DCTN1: variants seen among roughly 807,000 people sequenced by gnomAD.
The protein encoded by DCTN1 is 150 kDa dynein-associated polypeptide.
Under a neutral mutation model 161.2 loss-of-function variants are expected in DCTN1, and 61 were observed. The ratio of observed to expected loss-of-function variants is 0.38; its 90% CI spans 0.31 to 0.47. The LOEUF (loss-of-function observed/expected upper bound fraction) is 0.47. DCTN1 is among the 20% of genes least tolerant of loss of function. The probability of loss-of-function intolerance (pLI) is 0.99; values close to 1 mark genes in which losing one functional copy is unlikely to be tolerated. For missense variants in DCTN1, 1,404 were observed against 1,623.7 expected (o/e 0.86, Z 2.33); for synonymous variants, 653 against 632.4 (o/e 1.03, Z -0.49).
In DCTN1 at chr2:74,368,732, C is replaced by T. The variant is rs766620798; in HGVS notation, c.1850G>A (p.Cys617Tyr). Reference protein sequence around the residue: ...LVLLLMPRLICKAELIRKQAQ... With the variant: ...LVLLLMPRLIYKAELIRKQAQ... ...CATGTGATTGATTGGCCATACCTTG[C>T]AAATGAGACGAGGCATGAGCAACAG... The change falls in exon 16 of 32, where the codon TGC becomes TAC. Residue 617 changes from cysteine to tyrosine, a missense_variant. Around this residue, in one of 9 missense-constraint regions of DCTN1, gnomAD observed 475 missense variants for 489.8 expected, o/e 0.97. Coordinates refer to ENST00000628224, the MANE Select transcript of DCTN1 (RefSeq NM_004082.5). The T allele has an allele frequency of 6.2e-7, 1 of 1,614,246 alleles. No individual in the cohort carries two copies. Among genetic ancestry groups the T allele is most frequent in the South Asian group, 1.1e-5 (1 of 91,088 alleles).
upstream of DCTN1, chr2:74,385,290 C>T (rs1334166521): frequency 6.6e-6 from 1 of 152,250 alleles, no homozygotes; most frequent in Non-Finnish European, 1.5e-5. Flanking sequence ...CTTCACTTAT[C>T]TTCAATATAG....
At chr2:74,371,868 G>A in intron 7 of DCTN1, 140 bp from the exon 8 acceptor site, 1 of 677,550 alleles carries the variant, frequency 1.5e-6, no homozygotes, top group South Asian at 1.7e-5. Flanking sequence ...AAAGCACAGT[G>A]AGAAAAGAAG....
At chr2:74,379,124 C>T (rs1675390041) in intron 1 of DCTN1, among the ~76,000 whole-genome samples, 1 of 152,212 alleles carries the variant, frequency 6.6e-6, no homozygotes, top group African/African-American at 2.4e-5. Flanking sequence ...TTGGGCAGCT[C>T]TTAGCTTCGG....
rs1041136090 is a variant in DCTN1, at chr2:74,369,845, C to A, written c.1392+120G>T. On this transcript the variant is annotated intron_variant, in intron 13 of 31. Transcript: ENST00000628224. The surrounding 1 kb of genome is among the most constrained non-coding windows in gnomAD (Gnocchi z 4.9). ...AAAAAAAAAAAAAAAAAGGCAGGGT[C>A]AGGGTAGCAAGCCCAGGCTGGGTCC... 2.8e-5 allele frequency: 25 copies of A among 896,538 alleles called. No individual in the cohort carries two copies. The highest frequency in any genetic ancestry group is 4.0e-5 in the Non-Finnish European group (22 of 551,964). The allele number at this position is 896,538 out of a possible 1,614,324, so 55.5% of individuals were successfully genotyped here. A position where few individuals can be genotyped will look rare whatever the true frequency, so the allele number is the denominator to read the frequency against.
intron 16 of DCTN1, 183 bp downstream of exon 16, chr2:74,368,545 C>T: frequency 2.5e-6 from 2 of 813,668 alleles, no homozygotes; most frequent in Non-Finnish European, 2.0e-6. Flanking sequence ...TCTCACAGAA[C>T]CTATCTCTCC....
chr2:74,379,981 C>A, intron 1 of DCTN1, 24 bp downstream of exon 1: 1 of 1,613,586 alleles, frequency 6.2e-7, no homozygotes, highest in Non-Finnish European at 8.5e-7. Flanking sequence ...CCCTCCAGGG[C>A]CATCCCAGAT....
At chr2:74,367,885 C>A in intron 17 of DCTN1, 21 bp from the exon 18 acceptor site, 2 of 1,614,210 alleles carry the variant, frequency 1.2e-6, no homozygotes, top group Non-Finnish European at 1.7e-6. Flanking sequence ...GAGAAGGGCA[C>A]TGTGAGGCTA....
In DCTN1 at chr2:74,363,025, C is replaced by T. The variant is rs142030960; in HGVS notation, c.3498G>A (p.Thr1166=). ...LETLNQLSTH[T]HVVDITRTSP... The stretch of plus-strand genomic sequence containing the variant: ...TGGTGCGAGTGATGTCTACTACGTG[C>T]GTGTGTGTGCTCAATTGATTCAATG... The change falls in exon 29 of 32, where the codon ACG becomes ACA. Residue 1166 remains threonine (T), a synonymous_variant. Coordinates refer to ENST00000628224, the MANE Select transcript of DCTN1 (RefSeq NM_004082.5). 1.3e-4 allele frequency: 212 copies of T among 1,613,494 alleles called. No homozygotes were observed. The African/African-American group carries it at 2.4e-3, about 18-fold the overall frequency.
chr2:74,369,568 G>C lies in DCTN1; in HGVS notation c.1393-77C>G. 3 of 1,471,880 alleles carry C rather than the reference G, an allele frequency of 2.0e-6. No homozygotes were observed. The highest frequency in any genetic ancestry group is 2.3e-5 in the South Asian group (2 of 88,232). The allele number at this position is 1,471,880 out of a possible 1,614,324, so 91.2% of individuals were successfully genotyped here. ...GCGGTGGTTCACACCTGTAATCCCA[G>C]CACTTTGGGAGGTCAAAGCAGGCGG... On this transcript the variant is annotated intron_variant, in intron 13 of 31. Transcript: ENST00000628224. This position sits in a 1 kb window ranked among gnomAD's most constrained non-coding sequence, Gnocchi z 4.9.
Position 74,371,589 on chromosome 2 carries a change from G to T in DCTN1, c.593C>A (p.Thr198Lys), listed in dbSNP as rs768268418. The T allele has an allele frequency of 6.3e-7, 1 of 1,588,312 alleles. No homozygotes were observed. The highest frequency in any genetic ancestry group is 8.6e-7 in the Non-Finnish European group (1 of 1,167,756). The change falls in exon 8 of 32, where the codon ACG (threonine) becomes AAG (lysine). Residue 198 changes from threonine (T) to lysine (K), a missense_variant. By Grantham distance (78) the Thr-to-Lys change is moderately conservative (BLOSUM62 -1). Transcript: ENST00000628224. ...QTPLAAPIIP[T>K]PVLTSPGAVP... ...TGCTCCAGGAGAGGTGAGGACCGGCGTGGGGATGATGGGTGCTGCCAGCGG... is the reference window on the plus strand; with the variant it reads ...TGCTCCAGGAGAGGTGAGGACCGGCTTGGGGATGATGGGTGCTGCCAGCGG...
chr2:74,390,525 A>G (rs1573194564), intron 1 of DCTN1: 1 of 383,444 alleles, frequency 2.6e-6, no homozygotes, highest in East Asian at 7.5e-5. Flanking sequence ...ACTCGACTAG[A>G]CTCACAGAAT....
At chr2:74,390,709 G>C in intron 1 of DCTN1, 1 of 422,862 alleles carries the variant, frequency 2.4e-6, no homozygotes. Context: ...TGGGCCAGCA[G>C]CATTAGCATC....
chr2:74,367,893 C>T (rs1362458092), intron 17 of DCTN1, 29 bp from the exon 18 acceptor site: 2 of 1,614,094 alleles, frequency 1.2e-6, no homozygotes, highest in East Asian at 2.2e-5. Flanking sequence ...CACTGTGAGG[C>T]TAGAGTCTGC....
At chr2:74,373,087 T>G (rs1169736577) in intron 6 of DCTN1, 139 bp from the exon 7 acceptor site, 5 of 737,772 alleles carry the variant, frequency 6.8e-6, no homozygotes, top group Non-Finnish European at 9.5e-6. Flanking sequence ...CTCCCCCCCA[T>G]CCCATCCCCT....
intron 7 of DCTN1, 81 bp from the exon 8 acceptor site, chr2:74,371,809 T>G: frequency 9.9e-6 from 11 of 1,114,462 alleles, no homozygotes; most frequent in Non-Finnish European, 1.5e-5. Context: ...AATATGAGAA[T>G]ATGGCAAGGG....
rs1185611985 is a variant in DCTN1 at position 74,365,619 on chromosome 2, G to A, written c.2925C>T (p.Leu975=). The change falls in exon 25 of 32, where the codon CTC becomes CTT. Residue 975 remains leucine, a synonymous_variant. Transcript: ENST00000628224. ...ELSEANVRLS[L]LEKKLDSAAK... ...CAGCACTGTCCAACTTCTTCTCCAGGAGGCTCAGCCGCACATTGGCCTCAC... is the reference window on the plus strand; with the variant it reads ...CAGCACTGTCCAACTTCTTCTCCAGAAGGCTCAGCCGCACATTGGCCTCAC... 3.1e-6 allele frequency: 5 copies of A among 1,613,994 alleles called. No homozygotes were observed. Among genetic ancestry groups the A allele is most frequent in the African/African-American group, 2.7e-5 (2 of 74,884 alleles).
chr2:74,370,436 A>T lies in DCTN1; in HGVS notation c.1127+30T>A. 2 of 1,614,126 alleles carry T rather than the reference A, an allele frequency of 1.2e-6. No individual in the cohort carries two copies. The highest frequency in any genetic ancestry group is 2.2e-5 in the South Asian group (2 of 91,060). ...TAACACATTTGGAGACACAAGAGTA[A>T]GCATCAGAGGCAAGCACTGAAGACC... is the stretch of plus-strand genomic sequence containing the variant. On this transcript the variant is annotated intron_variant, in intron 11 of 31. Transcript: ENST00000628224. This position sits in a 1 kb window ranked among gnomAD's most constrained non-coding sequence, Gnocchi z 4.4.
rs1388426658 is a variant in DCTN1 at position 74,361,559 on chromosome 2, T to C, written c.3777A>G (p.Arg1259=). The C allele has an allele frequency of 1.9e-6, 3 of 1,613,938 alleles. No homozygotes were observed. Among genetic ancestry groups the C allele is most frequent in the Non-Finnish European group, 1.7e-6 (2 of 1,180,002 alleles). ...TFSCAAGFGQ[R]HRLVLTQEQL... is the part of the protein sequence containing the mutation. ...GCTCCTGGGTCAGCACCAGCCGGTGTCGCTGTCCAAAACCAGCCGCACATG... is the reference window on the plus strand; with the variant it reads ...GCTCCTGGGTCAGCACCAGCCGGTGCCGCTGTCCAAAACCAGCCGCACATG... Residue 1259 remains arginine, a synonymous_variant, in exon 32 of 32, where the codon CGA becomes CGG. Coordinates refer to ENST00000628224, the MANE Select transcript of DCTN1 (RefSeq NM_004082.5).
At chr2:74,390,863 A>G in intron 1 of DCTN1, 1 of 174,566 alleles carries the variant, frequency 5.7e-6, no homozygotes, top group South Asian at 1.3e-4. Context: ...TGGAACTCCA[A>G]TTCCCAAACG....
Sources: allele counts gnomAD v4.1 joint callset (sites outside exome capture counted in the v4.1 genomes callset), GRCh38; gene constraint gnomAD v4.1.1; regional missense constraint gnomAD v4.1.1; non-coding constraint Gnocchi (gnomAD v3.1); transcripts MANE v1.5; gene names NCBI Gene and HGNC (gene_info 2026-07-23, HGNC 2026-07-21).